TJP3: variants seen among roughly 807,000 people sequenced by gnomAD.
TJP3 encodes tight junction protein ZO-3.
TJP3 carries 85 observed loss-of-function variants against 104.2 expected under a neutral mutation model. That is an observed-to-expected ratio of 0.82 (90% CI 0.68 to 0.98). The LOEUF is 0.98. TJP3 is among the 50% of genes least tolerant of loss of function. TJP3 has a pLI of 0.00. For synonymous variants in TJP3, 550 were observed against 550.6 expected (o/e 1.00, Z 0.02); for missense variants, 1,367 against 1,322.8 (o/e 1.03, Z -0.52).
At chr19:3,728,560 C>T (rs1268512358) in intron 2 of TJP3, 44 bp from the exon 3 acceptor site, 2 of 1,601,326 alleles carry the variant, frequency 1.2e-6, no homozygotes, top group Admixed American at 1.8e-5. Flanking sequence ...GACCCTTTAC[C>T]CTGGGGGAAA....
chr19:3,718,421 G>A (rs2036511191), intron 1 of TJP3, among the ~76,000 whole-genome samples: 1 of 144,206 alleles, frequency 6.9e-6, no homozygotes, highest in African/African-American at 2.5e-5. Flanking sequence ...CAGAAAGCCT[G>A]TAGGACAGGA....
chr19:3,732,045 C>A lies in TJP3; in HGVS notation c.717+7C>A. The stretch of plus-strand genomic sequence containing the variant: ...AGGAGATCTCATTCTACAGGTGAGG[C>A]CGGGCTTCTTGTCCTGAGAGCAGGG... On this transcript the variant is annotated splice_region_variant and intron_variant, in intron 6 of 20. Transcript: ENST00000541714. 6.2e-7 allele frequency: 1 copy of A among 1,609,322 alleles called. No individual in the cohort carries two copies. Among genetic ancestry groups the A allele is most frequent in the South Asian group, 1.1e-5 (1 of 90,466 alleles).
At chr19:3,744,636 C>T (rs185552943) in intron 15 of TJP3, among the ~76,000 whole-genome samples, 3 of 150,656 alleles carry the variant, frequency 2.0e-5, no homozygotes, top group Admixed American at 1.3e-4. Flanking sequence ...TGCACTCCAG[C>T]CTGACGACGG....
At chr19:3,743,579 C>A in intron 14 of TJP3, 1 of 196,638 alleles carries the variant, frequency 5.1e-6, no homozygotes, top group Non-Finnish European at 1.0e-5. Flanking sequence ...TGCAGTGGGC[C>A]AGATGTGGCC....
At chr19:3,732,093 G>C in intron 6 of TJP3, 55 bp downstream of exon 6, 4 of 1,475,304 alleles carry the variant, frequency 2.7e-6, no homozygotes, top group Non-Finnish European at 3.7e-6. Flanking sequence ...GTTGGGGCGG[G>C]CAGTCCCACG....
chr19:3,728,820 A>C (rs2036633960), intron 3 of TJP3, 107 bp downstream of exon 3: 1 of 1,188,786 alleles, frequency 8.4e-7, no homozygotes, highest in African/African-American at 1.5e-5. Context: ...TGCGAGGCTG[A>C]AGTGGGCGGA....
intron 2 of TJP3, 54 bp from the exon 3 acceptor site, chr19:3,728,550 G>A (rs7256900): frequency 3.1e-6 from 5 of 1,599,098 alleles, no homozygotes; most frequent in Admixed American, 3.6e-5. Context: ...ATAGAGGGGA[G>A]ACCCTTTACC....
chr19:3,734,254 T>A (rs1265589693), intron 7 of TJP3, 73 bp from the exon 8 acceptor site: 2 of 1,457,404 alleles, frequency 1.4e-6, no homozygotes, highest in East Asian at 4.5e-5. Flanking sequence ...GGGGTGTTGA[T>A]ATACCCCTCT....
chr19:3,726,367 G>A (rs1268814652), intron 1 of TJP3, among the ~76,000 whole-genome samples: 1 of 152,222 alleles, frequency 6.6e-6, no homozygotes, highest in East Asian at 1.9e-4. Context: ...GGAGGCCAAG[G>A]CGGGCGGATC....
At chr19:3,727,782 C>T (rs2036616064) in intron 1 of TJP3, among the ~76,000 whole-genome samples, 1 of 151,780 alleles carries the variant, frequency 6.6e-6, no homozygotes, top group Non-Finnish European at 1.5e-5. Flanking sequence ...CTGTAGGTGC[C>T]CAGCTACTCA....
chr19:3,739,343 A>T lies in TJP3; in HGVS notation c.1631+209A>T, dbSNP rs548425839. ...CGTCTCTACTAAAAATACAAAAATT[A>T]GCTGGGCGTGGTGGCACATGCCTAT... On this transcript the variant is annotated intron_variant, in intron 13 of 20. Transcript: ENST00000541714. Among the ~76,000 whole-genome samples the T allele has an allele frequency of 1.9e-4, 29 of 152,294 alleles. No individual in the cohort carries two copies. In the South Asian group the frequency reaches 4.8e-3, roughly 25 times the overall value.
At position 3,730,794 on chromosome 19, in the gene TJP3, C is replaced by A; in HGVS notation, c.613+88C>A. The A allele has an allele frequency of 1.4e-5, 19 of 1,392,362 alleles. No individual in the cohort carries two copies. In the South Asian group the frequency reaches 2.4e-4, roughly 17 times the overall value. 86.3% of individuals were successfully genotyped at this position (1,392,362 alleles called of 1,614,324 possible). On this transcript the variant is annotated intron_variant, in intron 5 of 20. Transcript: ENST00000541714. The surrounding 1 kb of genome is among the most constrained non-coding windows in gnomAD (Gnocchi z 7.3). The stretch of plus-strand genomic sequence containing the variant: ...GCGACGGTTTCAAGTGATTCTCCTG[C>A]CTCAGCCTCCCTGGTGGCTGGGACT...
chr19:3,747,554 T>A (rs1169280100), intron 18 of TJP3, among the ~76,000 whole-genome samples: 1 of 151,954 alleles, frequency 6.6e-6, no homozygotes, highest in African/African-American at 2.4e-5. Context: ...GAGAATGGAG[T>A]CTTCTCTTGG....
At position 3,712,959 on chromosome 19, in the gene TJP3, A is replaced by G. The variant is rs555081242; in HGVS notation, c.-10+4398A>G. Among the ~76,000 whole-genome samples, 110 of 151,806 alleles carry G rather than the reference A, an allele frequency of 7.2e-4. 1 individual carries two copies. Among genetic ancestry groups the G allele is most frequent in the African/African-American group, 2.2e-3 (90 of 41,406 alleles). On this transcript the variant is annotated intron_variant, in intron 1 of 20. Transcript: ENST00000541714. ...AGCAAGACTCTGTCTCAAAAAAAAA[A>G]AAAAGAAAAGAAAAGAAAGTCCCCT... is the stretch of plus-strand genomic sequence containing the variant.
At chr19:3,728,516 G>A (rs747641917) in intron 2 of TJP3, 36 bp downstream of exon 2, 1 of 1,602,806 alleles carries the variant, frequency 6.2e-7, no homozygotes. Flanking sequence ...GTGCCAGAGA[G>A]TATGGCGGCT....
intron 2 of TJP3, 42 bp downstream of exon 2, chr19:3,728,522 C>A (rs368799497): frequency 1.9e-6 from 3 of 1,600,022 alleles, no homozygotes; most frequent in African/African-American, 1.3e-5. Context: ...GAGAGTATGG[C>A]GGCTTAGGCC....
intron 19 of TJP3, among the ~76,000 whole-genome samples, 186 bp downstream of exon 19, chr19:3,748,267 ATTT>A (rs1274711670): frequency 0.02 from 2,358 of 119,666 alleles, 22 homozygotes; most frequent in Middle Eastern, 0.077. Flanking sequence ...AACTTGCAGC[ATTT>A]TTTTTTTTTT....
At position 3,746,925 on chromosome 19, in the gene TJP3, G is replaced by A. The variant is rs1366357717; in HGVS notation, c.2322+49G>A. On this transcript the variant is annotated intron_variant, in intron 18 of 20. Transcript: ENST00000541714. This position sits in a 1 kb window ranked among gnomAD's most constrained non-coding sequence, Gnocchi z 4.1. ...CGGGCAGGGAGGCCCCACAGACGCT[G>A]TGCAGGCCCAGCTGGGGTTTGGGGC... is the stretch of plus-strand genomic sequence containing the variant. 4 of 1,532,282 alleles carry A rather than the reference G, an allele frequency of 2.6e-6. No individual in the cohort carries two copies. Among genetic ancestry groups the A allele is most frequent in the Non-Finnish European group, 2.7e-6 (3 of 1,128,996 alleles). The allele number at this position is 1,532,282 out of a possible 1,614,324, so 94.9% of individuals were successfully genotyped here. A position where few individuals can be genotyped will look rare whatever the true frequency, so the allele number is the denominator to read the frequency against.
intron 1 of TJP3, among the ~76,000 whole-genome samples, chr19:3,710,148 CAAAAAA>C (rs34705583): frequency 3.4e-5 from 3 of 88,786 alleles, no homozygotes; most frequent in Non-Finnish European, 6.6e-5. Flanking sequence ...GACTCTGTCT[CAAAAAA>C]AAAAAAAAAA....
Sources: gnomAD v4.1 joint callset for allele counts (sites outside exome capture counted in the v4.1 genomes callset) on GRCh38, gnomAD v4.1.1 for gene constraint, Gnocchi (gnomAD v3.1) non-coding constraint, MANE v1.5 for transcripts, NCBI Gene and HGNC (gene_info 2026-07-23, HGNC 2026-07-21) for gene names.